The following NEK1 variants were observed in gnomAD, a reference collection of about 807,000 sequenced individuals.
NEK1 encodes serine/threonine-protein kinase Nek1.
NEK1 carries 137 observed loss-of-function variants against 182.1 expected under a neutral mutation model. The ratio of observed to expected loss-of-function variants is 0.75; its 90% CI spans 0.65 to 0.87. The LOEUF (loss-of-function observed/expected upper bound fraction) is 0.87, where lower values mean the gene tolerates loss of function less well. Ranked by LOEUF, NEK1 falls within the 40% of genes least tolerant of loss-of-function variation. The pLI, the probability that NEK1 is intolerant of heterozygous loss-of-function variation, is 0.00. For synonymous variants in NEK1, 513 were observed against 492.2 expected, an observed-to-expected ratio of 1.04 and a Z score of -0.56; for missense variants, 1,391 against 1,494.4, an observed-to-expected ratio of 0.93 and a Z score of 1.14.
intron 32 of NEK1, among the ~76,000 whole-genome samples, chr4:169,403,840 CTATCT>C (rs748114351): frequency 2.0e-3 from 309 of 151,828 alleles, no homozygotes; most frequent in Non-Finnish European, 3.5e-3. Context: ...TTTTAGTTGG[CTATCT>C]TATAAAATCT....
At chr4:169,604,536 A>G (rs1372747727) in intron 2 of NEK1, among the ~76,000 whole-genome samples, 1 of 152,212 alleles carries the variant, frequency 6.6e-6, no homozygotes, top group Non-Finnish European at 1.5e-5. Flanking sequence ...TTTCTAGGAG[A>G]AAATAAGTTT....
intron 2 of NEK1, among the ~76,000 whole-genome samples, chr4:169,603,871 A>C (rs940936684): frequency 6.6e-6 from 1 of 151,982 alleles, no homozygotes; most frequent in Non-Finnish European, 1.5e-5. Flanking sequence ...ACACACAGCT[A>C]ATTTTTGTAT....
intron 19 of NEK1, among the ~76,000 whole-genome samples, chr4:169,532,901 G>T (rs1215548076): frequency 6.6e-6 from 1 of 151,864 alleles, no homozygotes; most frequent in African/African-American, 2.4e-5. Flanking sequence ...CAGTCAGGGA[G>T]TGAGTGAGTC....
intron 5 of NEK1, among the ~76,000 whole-genome samples, chr4:169,594,932 C>T (rs188398760): frequency 2.0e-5 from 3 of 152,276 alleles, no homozygotes; most frequent in Admixed American, 2.0e-4. Flanking sequence ...GTACTCTGCC[C>T]CAACAGAGCA....
At chr4:169,501,286 AAT>A (rs912384275) in intron 23 of NEK1, among the ~76,000 whole-genome samples, 4 of 152,194 alleles carry the variant, frequency 2.6e-5, no homozygotes, top group Non-Finnish European at 5.9e-5. Flanking sequence ...AGGGACAGAC[AAT>A]AATATCATAC....
chr4:169,589,336 T>C, intron 7 of NEK1, 111 bp downstream of exon 7: 2 of 699,066 alleles, frequency 2.9e-6, no homozygotes, highest in East Asian at 2.8e-5. Context: ...TAAAGCAACA[T>C]CCCAGTAAAG....
chr4:169,426,238 C>A lies in NEK1; in HGVS notation c.2886-4G>T. The A allele has an allele frequency of 6.2e-7, 1 of 1,611,742 alleles. No homozygotes were observed. Among genetic ancestry groups the A allele is most frequent in the East Asian group, 2.2e-5 (1 of 44,830 alleles). On this transcript the variant is annotated splice_region_variant and splice_polypyrimidine_tract_variant and intron_variant, in intron 29 of 35. Transcript: ENST00000507142. ...AATGGTGATCCTATCTGCCGACCTG[C>A]CACAGATGGGTACACCAATTAAAAA...
In NEK1 at chr4:169,590,595, T is replaced by C. The variant is rs6553443; in HGVS notation, c.396+131A>G. Reference sequence around the variant, plus strand: ...AGATCTAATACAGGATGCAGATGAATAGGATAAAAAGGAAGAGACAAGACA... The same window carrying C: ...AGATCTAATACAGGATGCAGATGAACAGGATAAAAAGGAAGAGACAAGACA... On this transcript the variant is annotated intron_variant, in intron 6 of 35. Transcript: ENST00000507142. 4.7e-3 allele frequency: 2,736 copies of C among 577,064 alleles called. 56 individuals are homozygous for C. Among genetic ancestry groups the C allele is most frequent in the African/African-American group, 0.045 (2,404 of 52,954 alleles). The allele number at this position is 577,064 out of a possible 1,614,324, so 35.7% of individuals were successfully genotyped here.
At chr4:169,543,290 G>A (rs1005828292) in intron 18 of NEK1, among the ~76,000 whole-genome samples, 2 of 152,114 alleles carry the variant, frequency 1.3e-5, no homozygotes, top group African/African-American at 2.4e-5. Flanking sequence ...AAGAGCAGAT[G>A]GTTGTAGATG....
chr4:169,424,906 C>T (rs1561163933), intron 30 of NEK1, 106 bp from the exon 31 acceptor site: 1 of 1,173,678 alleles, frequency 8.5e-7, no homozygotes. Context: ...AAAAAACCCA[C>T]ATATCAGGAA....
chr4:169,493,209 C>T (rs544124411), intron 23 of NEK1, among the ~76,000 whole-genome samples: 12 of 152,244 alleles, frequency 7.9e-5, no homozygotes, highest in Admixed American at 3.3e-4. Context: ...GGAGCTTTGG[C>T]CCCCTAAAAG....
At position 169,587,513 on chromosome 4, in the gene NEK1, C is replaced by A. The variant is rs1429627102; in HGVS notation, c.606+46G>T. 2.9e-6 allele frequency: 3 copies of A among 1,031,882 alleles called. No individual in the cohort carries two copies. In the South Asian group the frequency reaches 5.1e-5, roughly 18 times the overall value. The allele number at this position is 1,031,882 out of a possible 1,614,324, so 63.9% of individuals were successfully genotyped here. A position where few individuals can be genotyped will look rare whatever the true frequency, so the allele number is the denominator to read the frequency against. On this transcript the variant is annotated intron_variant, in intron 9 of 35. Coordinates refer to ENST00000507142, the MANE Select transcript of NEK1 (RefSeq NM_001199397.3). ...TAAAATATAATAAAAACATTATAGT[C>A]GCTTTTTAACATAACTTTGAAAGTA...
chr4:169,521,828 G>T (rs1011541661), intron 19 of NEK1, among the ~76,000 whole-genome samples: 1 of 152,162 alleles, frequency 6.6e-6, no homozygotes, highest in Non-Finnish European at 1.5e-5. Flanking sequence ...CATATGGAAT[G>T]TGTCATTTCT....
intron 33 of NEK1, 88 bp downstream of exon 33, chr4:169,401,564 T>A: frequency 9.2e-7 from 1 of 1,083,486 alleles, no homozygotes; most frequent in Non-Finnish European, 1.3e-6. Flanking sequence ...AAGTTGGAAA[T>A]GGTTCACAGC....
At chr4:169,559,675 A>G (rs1340342107) in intron 16 of NEK1, among the ~76,000 whole-genome samples, 1 of 152,226 alleles carries the variant, frequency 6.6e-6, no homozygotes, top group Non-Finnish European at 1.5e-5. Flanking sequence ...CTAAATATCA[A>G]GATTAATGGG....
In NEK1 at chr4:169,466,165, A is replaced by G. The variant is rs1744888883; in HGVS notation, c.2435-2770T>C. On this transcript the variant is annotated intron_variant, in intron 26 of 35. Coordinates refer to ENST00000507142, the MANE Select transcript of NEK1 (RefSeq NM_001199397.3). The stretch of plus-strand genomic sequence containing the variant: ...TAAAGAAAACATTAATAAGATCCAC[A>G]CTGAACTTGTCCTAATGAAGTTCAT... 2.0e-5 allele frequency among the ~76,000 whole-genome samples: 3 copies of G among 152,042 alleles called. No homozygotes were observed. In the South Asian group the frequency reaches 6.2e-4, roughly 31 times the overall value.
chr4:169,442,063 G>A (rs1739565583), intron 27 of NEK1, among the ~76,000 whole-genome samples: 2 of 152,104 alleles, frequency 1.3e-5, no homozygotes, highest in Non-Finnish European at 2.9e-5. Context: ...GAGTGCTGAT[G>A]ATGGACCCAG....
chr4:169,468,586 T>A (rs1745349275), intron 26 of NEK1, among the ~76,000 whole-genome samples: 1 of 152,144 alleles, frequency 6.6e-6, no homozygotes, highest in Non-Finnish European at 1.5e-5. Context: ...CATGAAACAA[T>A]GACAAACCAA....
chr4:169,562,128 T>C lies in NEK1; in HGVS notation c.1080+9A>G. The C allele has an allele frequency of 1.3e-6, 2 of 1,515,194 alleles. No individual in the cohort carries two copies. The highest frequency in any genetic ancestry group is 8.9e-7 in the Non-Finnish European group (1 of 1,119,840). The allele number at this position is 1,515,194 out of a possible 1,614,324, so 93.9% of individuals were successfully genotyped here. ...AAGCTTTAAAATAACCAGACAGATGTCTTTATACCTCAGATATTTTCCTCC... is the reference window on the plus strand; with the variant it reads ...AAGCTTTAAAATAACCAGACAGATGCCTTTATACCTCAGATATTTTCCTCC... On this transcript the variant is annotated intron_variant, in intron 13 of 35. Transcript: ENST00000507142.
Sources: gnomAD v4.1 joint callset for allele counts (sites outside exome capture counted in the v4.1 genomes callset) on GRCh38, gnomAD v4.1.1 for gene constraint, MANE v1.5 for transcripts, NCBI Gene and HGNC (gene_info 2026-07-23, HGNC 2026-07-21) for gene names.